SIRPD: variants seen among roughly 807,000 people sequenced by gnomAD.
SIRPD encodes signal-regulatory protein delta.
SIRPD carries 21 observed loss-of-function variants against 18.0 expected under a neutral mutation model. The ratio of observed to expected loss-of-function variants is 1.17; its 90% CI spans 0.83 to 1.68. The LOEUF is 1.68. SIRPD is among the 40% of genes most tolerant of loss of function. The pLI, the probability that SIRPD is intolerant of heterozygous loss-of-function variation, is 0.00. For synonymous variants in SIRPD, 106 were observed against 92.9 expected (o/e 1.14, Z -0.81); for missense variants, 295 against 238.4 (o/e 1.24, Z -1.56).
At chr20:1,540,526 C>T (rs2090966562) in intron 2 of SIRPD, among the ~76,000 whole-genome samples, 2 of 152,282 alleles carry the variant, frequency 1.3e-5, no homozygotes, top group African/African-American at 4.8e-5. Flanking sequence ...CCTCCATTTT[C>T]CCTATCTTTC....
At chr20:1,554,996 C>A (rs748773175) in intron 1 of SIRPD, among the ~76,000 whole-genome samples, 3 of 152,102 alleles carry the variant, frequency 2.0e-5, no homozygotes, top group Admixed American at 6.6e-5. Context: ...GGCAGATACA[C>A]AAAATGTCTA....
intron 2 of SIRPD, among the ~76,000 whole-genome samples, chr20:1,546,667 A>G (rs544746954): frequency 1.4e-4 from 22 of 152,138 alleles, no homozygotes; most frequent in Non-Finnish European, 2.9e-4. Context: ...CTGCCTATCT[A>G]TTTTCCAAAG....
intron 1 of SIRPD, among the ~76,000 whole-genome samples, chr20:1,553,090 C>T (rs1313640260): frequency 6.6e-6 from 1 of 152,188 alleles, no homozygotes; most frequent in African/African-American, 2.4e-5. Flanking sequence ...GCATGGAAGT[C>T]TCAGGACAGA....
intron 2 of SIRPD, among the ~76,000 whole-genome samples, chr20:1,547,835 T>G (rs1006822330): frequency 2.0e-5 from 3 of 152,264 alleles, no homozygotes; most frequent in African/African-American, 7.2e-5. Flanking sequence ...TTTGTAGTTT[T>G]CAGAGTATAA....
rs1273313231 is a variant in SIRPD at position 1,557,682 on chromosome 20, T to G, written c.-29A>C. On this transcript the variant is annotated 5_prime_UTR_variant, in exon 1 of 4. Coordinates refer to ENST00000381623, the MANE Select transcript of SIRPD (RefSeq NM_178460.3). ...GGTGAAACCTGGAGCTTGCTCTGCCTGAATGCCTGTCCTGGAGATGCCCTC... is the reference window on the plus strand; with the variant it reads ...GGTGAAACCTGGAGCTTGCTCTGCCGGAATGCCTGTCCTGGAGATGCCCTC... The G allele has an allele frequency of 1.2e-6, 2 of 1,607,524 alleles. No homozygotes were observed. The highest frequency in any genetic ancestry group is 1.7e-6 in the Non-Finnish European group (2 of 1,176,018).
intron 2 of SIRPD, among the ~76,000 whole-genome samples, chr20:1,549,624 T>G (rs2091009744): frequency 6.6e-6 from 1 of 152,090 alleles, no homozygotes; most frequent in African/African-American, 2.4e-5. Flanking sequence ...AGGTGGGTTT[T>G]GGTTCAAATA....
chr20:1,535,101 T>A (rs1395147927), intron 3 of SIRPD, among the ~76,000 whole-genome samples: 1 of 152,182 alleles, frequency 6.6e-6, no homozygotes, highest in African/African-American at 2.4e-5. Context: ...GAAATGATAG[T>A]GTTGATGTAT....
chr20:1,539,580 T>C, intron 2 of SIRPD, among the ~76,000 whole-genome samples: 1 of 152,244 alleles, frequency 6.6e-6, no homozygotes, highest in East Asian at 1.9e-4. Flanking sequence ...TAGTCAGCCT[T>C]TGAGATTATC....
chr20:1,555,356 AT>A (rs1416989002), intron 1 of SIRPD, among the ~76,000 whole-genome samples: 2 of 152,226 alleles, frequency 1.3e-5, no homozygotes, highest in Admixed American at 1.3e-4. Context: ...GGACAAGGAA[AT>A]GGGAGATGCT....
At chr20:1,544,734 G>T (rs1271022548) in intron 2 of SIRPD, among the ~76,000 whole-genome samples, 1 of 152,122 alleles carries the variant, frequency 6.6e-6, no homozygotes, top group Non-Finnish European at 1.5e-5. Flanking sequence ...ACATTTTGGC[G>T]TGTTTTTGCT....
chr20:1,552,509 CA>C, intron 1 of SIRPD, among the ~76,000 whole-genome samples: 1 of 152,200 alleles, frequency 6.6e-6, no homozygotes, highest in Non-Finnish European at 1.5e-5. Flanking sequence ...GAGAGATGCA[CA>C]GAAGAAGTTA....
intron 1 of SIRPD, among the ~76,000 whole-genome samples, chr20:1,557,116 G>C (rs544621317): frequency 6.6e-6 from 1 of 152,092 alleles, no homozygotes. Context: ...AGCTGGGCAT[G>C]GTGGCGCGTG....
At chr20:1,549,741 T>C (rs1399453627) in intron 2 of SIRPD, among the ~76,000 whole-genome samples, 2 of 152,164 alleles carry the variant, frequency 1.3e-5, no homozygotes, top group Non-Finnish European at 2.9e-5. Flanking sequence ...TTTTTAAAAA[T>C]AATTTTCACC....
At chr20:1,551,279 G>T (rs534454757) in intron 2 of SIRPD, among the ~76,000 whole-genome samples, 2 of 152,318 alleles carry the variant, frequency 1.3e-5, no homozygotes, top group South Asian at 4.1e-4. Flanking sequence ...GAGCAACACA[G>T]TTGCTTGTTT....
chr20:1,539,298 T>C (rs1164849048), intron 2 of SIRPD, among the ~76,000 whole-genome samples: 1 of 152,234 alleles, frequency 6.6e-6, no homozygotes, highest in African/African-American at 2.4e-5. Context: ...TAATGATCTT[T>C]TTGTAAATAT....
chr20:1,551,702 A>C lies in SIRPD; in HGVS notation c.410T>G (p.Val137Gly). 1 of 1,612,338 alleles carries C rather than the reference A, an allele frequency of 6.2e-7. No homozygotes were observed. ...GGAGACATACTCACCAGTAACAAACACCTGAGTGCCCCGACCTGATTGGTA... is the reference window on the plus strand; with the variant it reads ...GGAGACATACTCACCAGTAACAAACCCCTGAGTGCCCCGACCTGATTGGTA... ...KEYQSGRGTQ[V>G]FVTEQNPRPP... Residue 137 changes from valine (V) to glycine (G), a missense_variant, in exon 2 of 4, where the codon GTG becomes GGG. Transcript: ENST00000381623.
At chr20:1,550,896 C>T (rs2091016060) in intron 2 of SIRPD, among the ~76,000 whole-genome samples, 1 of 152,122 alleles carries the variant, frequency 6.6e-6, no homozygotes, top group Non-Finnish European at 1.5e-5. Context: ...TATTGTATTA[C>T]CAATTTAATA....
In SIRPD at chr20:1,549,975, A is replaced by G. The variant is rs73569168; in HGVS notation, c.421+1716T>C. 9.1e-3 allele frequency among the ~76,000 whole-genome samples: 1,391 copies of G among 152,344 alleles called. 22 individuals are homozygous for G. The highest frequency in any genetic ancestry group is 0.033 in the African/African-American group (1,357 of 41,576). ...ACTCAGAACATTTGAATGTTAATAAAGATATTGAACTCATTCACAGTATTC... is the reference window on the plus strand; with the variant it reads ...ACTCAGAACATTTGAATGTTAATAAGGATATTGAACTCATTCACAGTATTC... On this transcript the variant is annotated intron_variant, in intron 2 of 3. Transcript: ENST00000381623.
intron 1 of SIRPD, among the ~76,000 whole-genome samples, chr20:1,556,061 C>G (rs2091039871): frequency 6.6e-6 from 1 of 152,210 alleles, no homozygotes; most frequent in Non-Finnish European, 1.5e-5. Flanking sequence ...CAGTTTGCAA[C>G]ATGGCTCCTT....
Sources: gnomAD v4.1 joint callset for allele counts (sites outside exome capture counted in the v4.1 genomes callset) on GRCh38, gnomAD v4.1.1 for gene constraint, MANE v1.5 for transcripts, NCBI Gene and HGNC (gene_info 2026-07-23, HGNC 2026-07-21) for gene names.